The following CHMP2B variants were observed in gnomAD, a reference collection of about 807,000 sequenced individuals.
CHMP2B encodes the protein VPS2 homolog B.
In CHMP2B, 22 loss-of-function variants were observed where a neutral mutation model predicts 29.8. That is an observed-to-expected ratio of 0.74 (90% CI 0.53 to 1.05). The LOEUF is 1.05. CHMP2B is among the 50% of genes least tolerant of loss of function. CHMP2B has a pLI of 0.00. For missense variants in CHMP2B, 261 were observed against 252.2 expected (o/e 1.03, Z -0.24); for synonymous variants, 78 against 75.8 (o/e 1.03, Z -0.15).
chr3:87,249,739 C>A, intron 3 of CHMP2B, 136 bp from the exon 4 acceptor site: 1 of 522,476 alleles, frequency 1.9e-6, no homozygotes, highest in South Asian at 2.7e-5. Context: ...GAATATTTAA[C>A]AGTCTATGTT....
At chr3:87,228,552 C>G (rs968413296) in intron 1 of CHMP2B, among the ~76,000 whole-genome samples, 1 of 152,184 alleles carries the variant, frequency 6.6e-6, no homozygotes, top group Non-Finnish European at 1.5e-5. Context: ...GACGTAACTC[C>G]TTCATTCCTT....
intron 1 of CHMP2B, among the ~76,000 whole-genome samples, chr3:87,236,053 C>G (rs1455564183): frequency 6.6e-6 from 1 of 152,192 alleles, no homozygotes; most frequent in African/African-American, 2.4e-5. Flanking sequence ...CTCCCATGCC[C>G]TCTCTGTGTG....
chr3:87,233,032 G>T (rs547896762), intron 1 of CHMP2B, among the ~76,000 whole-genome samples: 31 of 152,226 alleles, frequency 2.0e-4, no homozygotes, highest in African/African-American at 7.5e-4. Flanking sequence ...GGCTTGGCTT[G>T]ACTCCCCAAT....
chr3:87,252,959 C>G (rs1706341604), intron 4 of CHMP2B: 1 of 162,862 alleles, frequency 6.1e-6, no homozygotes, highest in Admixed American at 6.2e-5. Flanking sequence ...CTACCTGTAT[C>G]TTGAATGTAA....
At chr3:87,252,560 C>T (rs1056118195) in intron 4 of CHMP2B, among the ~76,000 whole-genome samples, 1 of 151,856 alleles carries the variant, frequency 6.6e-6, no homozygotes, top group African/African-American at 2.4e-5. Flanking sequence ...GTAACTTCCT[C>T]CCAGTTGGAT....
rs878896713 is a variant in CHMP2B at position 87,254,577 on chromosome 3, G to A, written c.*755G>A. 2.0e-5 allele frequency: 3 copies of A among 151,834 alleles called. No homozygotes were observed. In the South Asian group the frequency reaches 6.2e-4, roughly 31 times the overall value. The allele number at this position is 151,834 out of a possible 1,614,324, so 9.4% of individuals were successfully genotyped here. A position where few individuals can be genotyped will look rare whatever the true frequency, so the allele number is the denominator to read the frequency against. On this transcript the variant is annotated 3_prime_UTR_variant, in exon 6 of 6. Transcript: ENST00000263780. ...AATTGAAATATGTACTCTTATTTTA[G>A]ACACGCCTCTGTTAAAACAGACCAG...
intron 1 of CHMP2B, among the ~76,000 whole-genome samples, chr3:87,235,152 C>G (rs759360712): frequency 9.2e-5 from 14 of 152,226 alleles, no homozygotes; most frequent in South Asian, 6.2e-4. Flanking sequence ...ATTCCCTTCT[C>G]TTAAAGAGAT....
At chr3:87,246,875 C>T (rs1458812400) in intron 3 of CHMP2B, among the ~76,000 whole-genome samples, 1 of 152,182 alleles carries the variant, frequency 6.6e-6, no homozygotes, top group East Asian at 1.9e-4. Flanking sequence ...TCTCTTGGAA[C>T]CTACCCACTA....
intron 1 of CHMP2B, among the ~76,000 whole-genome samples, chr3:87,229,568 G>T (rs1705871237): frequency 6.6e-6 from 1 of 151,370 alleles, no homozygotes; most frequent in Non-Finnish European, 1.5e-5. Flanking sequence ...TTGAAAGGAA[G>T]TTTTTTTTTG....
intron 1 of CHMP2B, among the ~76,000 whole-genome samples, chr3:87,233,927 G>C (rs374782156): frequency 6.6e-6 from 1 of 152,100 alleles, no homozygotes; most frequent in Non-Finnish European, 1.5e-5. Flanking sequence ...GAAAAACACA[G>C]CATACAGTAT....
intron 3 of CHMP2B, among the ~76,000 whole-genome samples, chr3:87,247,229 T>C (rs1489601813): frequency 2.6e-5 from 4 of 152,222 alleles, no homozygotes; most frequent in Non-Finnish European, 5.9e-5. Flanking sequence ...ACCTAATCTG[T>C]ACCTAACTAA....
intron 1 of CHMP2B, among the ~76,000 whole-genome samples, chr3:87,236,364 G>A (rs1372027229): frequency 2.0e-5 from 3 of 152,064 alleles, no homozygotes; most frequent in African/African-American, 7.2e-5. Flanking sequence ...GGCCCTCTGT[G>A]CCAGGCACCC....
intron 1 of CHMP2B, among the ~76,000 whole-genome samples, chr3:87,236,067 C>T (rs754573397): frequency 2.4e-4 from 37 of 152,168 alleles, no homozygotes; most frequent in Non-Finnish European, 4.1e-4. Context: ...CTGTGTGTGC[C>T]ATCTTCCTAG....
intron 1 of CHMP2B, among the ~76,000 whole-genome samples, chr3:87,233,736 G>A (rs187420086): frequency 5.5e-4 from 83 of 152,178 alleles, no homozygotes; most frequent in Non-Finnish European, 1.9e-4. Flanking sequence ...ACCAGTTAAT[G>A]GAGATTATAA....
chr3:87,236,316 A>C (rs1218470173), intron 1 of CHMP2B, among the ~76,000 whole-genome samples: 1 of 152,168 alleles, frequency 6.6e-6, no homozygotes, highest in African/African-American at 2.4e-5. Context: ...TGAATAACAA[A>C]AGACATTCCT....
chr3:87,251,309 A>G (rs1188690624), intron 4 of CHMP2B, among the ~76,000 whole-genome samples: 3 of 151,918 alleles, frequency 2.0e-5, no homozygotes, highest in African/African-American at 4.8e-5. Flanking sequence ...AGCATCATCA[A>G]TGATTTTTTA....
At chr3:87,236,691 A>AGGT (rs1336433418) in intron 1 of CHMP2B, among the ~76,000 whole-genome samples, 4 of 152,020 alleles carry the variant, frequency 2.6e-5, no homozygotes, top group Admixed American at 2.0e-4. Context: ...GTCTCTACTA[A>AGGT]AAATACCTAA....
intron 3 of CHMP2B, among the ~76,000 whole-genome samples, chr3:87,247,959 G>A (rs1234499181): frequency 1.3e-5 from 2 of 152,012 alleles, no homozygotes; most frequent in Admixed American, 1.3e-4. Flanking sequence ...ATTTTGTGAA[G>A]TACAAAAAGT....
intron 2 of CHMP2B, among the ~76,000 whole-genome samples, chr3:87,242,886 C>A (rs1357244007): frequency 1.3e-5 from 2 of 152,066 alleles, no homozygotes; most frequent in African/African-American, 4.8e-5. Context: ...CCACTTTGTA[C>A]TTCTTTTTTC....
Sources: allele counts gnomAD v4.1 joint callset (sites outside exome capture counted in the v4.1 genomes callset), GRCh38; gene constraint gnomAD v4.1.1; transcripts MANE v1.5; gene names NCBI Gene and HGNC (gene_info 2026-07-23, HGNC 2026-07-21).